Variants in RFC3 observed in about 807,000 individuals in gnomAD.
The protein encoded by RFC3 is replication factor C subunit 3.
Under a neutral mutation model 45.1 loss-of-function variants are expected in RFC3, and 41 were observed. The observed-to-expected ratio is 0.91, with a 90% CI of 0.71 to 1.18. RFC3 has a LOEUF of 1.18. Among genes scored for constraint, RFC3 ranks in the 50% most tolerant of loss-of-function variants. The pLI is 0.00. For synonymous variants in RFC3, 149 were observed against 144.0 expected, an observed-to-expected ratio of 1.03 and a Z score of -0.25; for missense variants, 423 against 428.1, an observed-to-expected ratio of 0.99 and a Z score of 0.10.
At chr13:33,935,783 T>C (rs1053391719) in intron 8 of RFC3, among the ~76,000 whole-genome samples, 2 of 152,202 alleles carry the variant, frequency 1.3e-5, no homozygotes, top group African/African-American at 4.8e-5. Context: ...TTTCACCTGG[T>C]CTGTTAGGAA....
downstream of RFC3, among the ~76,000 whole-genome samples, chr13:33,968,398 G>T (rs538446696): frequency 1.1e-4 from 16 of 152,322 alleles, no homozygotes; most frequent in East Asian, 3.1e-3. Context: ...GCAGTGCTGG[G>T]ATTACAGGTG....
chr13:33,850,196 A>G (rs931452007), intron 8 of RFC3: 145 of 152,210 alleles, frequency 9.5e-4, no homozygotes, highest in African/African-American at 3.4e-3. Context: ...CACCAGTTTT[A>G]GCTATTATTT....
intron 8 of RFC3, among the ~76,000 whole-genome samples, chr13:33,931,467 T>G (rs1205338254): frequency 6.6e-6 from 1 of 152,134 alleles, no homozygotes; most frequent in African/African-American, 2.4e-5. Flanking sequence ...ATCTGGGGGC[T>G]GAGTGTGAGA....
At chr13:33,898,811 G>C (rs560394041) in intron 8 of RFC3, among the ~76,000 whole-genome samples, 2 of 151,704 alleles carry the variant, frequency 1.3e-5, no homozygotes, top group East Asian at 3.9e-4. Context: ...TGAAAAAGGA[G>C]TCATAAAAAC....
chr13:33,972,924 T>A, the RFC3 span, among the ~76,000 whole-genome samples: 1 of 152,212 alleles, frequency 6.6e-6, no homozygotes, highest in Non-Finnish European at 1.5e-5. Flanking sequence ...GGACCTACCT[T>A]GCAGAAGGGC....
intron 8 of RFC3, chr13:33,849,863 T>G (rs2082265087): frequency 6.6e-6 from 1 of 151,534 alleles, no homozygotes; most frequent in African/African-American, 2.4e-5. Context: ...GACTACAGAG[T>G]AAGACTCTGT....
chr13:33,901,974 A>C (rs752211948), intron 8 of RFC3, among the ~76,000 whole-genome samples: 2 of 152,018 alleles, frequency 1.3e-5, no homozygotes, highest in South Asian at 4.1e-4. Flanking sequence ...ATCCACTTCC[A>C]CCCTAGACCC....
chr13:33,953,613 G>A (rs2083003662), intron 8 of RFC3, among the ~76,000 whole-genome samples: 1 of 152,112 alleles, frequency 6.6e-6, no homozygotes, highest in African/African-American at 2.4e-5. Flanking sequence ...TCCCTATAAA[G>A]TTGTAGCCTT....
chr13:33,969,375 C>G (rs1440705827), downstream of RFC3, among the ~76,000 whole-genome samples: 2 of 152,166 alleles, frequency 1.3e-5, no homozygotes, highest in Non-Finnish European at 2.9e-5. Context: ...CAGCGATTTT[C>G]CTACAGAAAC....
intron 7 of RFC3, among the ~76,000 whole-genome samples, chr13:33,834,795 C>T (rs2082138217): frequency 1.3e-5 from 2 of 152,056 alleles, no homozygotes; most frequent in South Asian, 4.2e-4. Flanking sequence ...TAAGCTCAAC[C>T]CGCGCTCTTC....
At chr13:33,877,697 T>C in intron 8 of RFC3, among the ~76,000 whole-genome samples, 1 of 149,168 alleles carries the variant, frequency 6.7e-6, no homozygotes, top group South Asian at 2.1e-4. Flanking sequence ...TTATAATAGA[T>C]TATAATAAAA....
intron 8 of RFC3, among the ~76,000 whole-genome samples, chr13:33,863,225 A>G (rs1017281825): frequency 1.2e-4 from 18 of 152,350 alleles, no homozygotes; most frequent in Admixed American, 1.3e-4. Context: ...ATACATACAT[A>G]TATACACAAT....
the RFC3 span, among the ~76,000 whole-genome samples, chr13:33,973,022 C>T: frequency 1.2e-3 from 187 of 152,194 alleles, no homozygotes; most frequent in Non-Finnish European, 2.3e-3. Context: ...TGAGTAAAAT[C>T]CATATCAGCT....
chr13:33,867,458 G>T (rs1042816013), intron 8 of RFC3, among the ~76,000 whole-genome samples: 1 of 152,198 alleles, frequency 6.6e-6, no homozygotes, highest in Non-Finnish European at 1.5e-5. Context: ...GAATTGGAAA[G>T]TAAACTTAAT....
chr13:33,921,753 G>T (rs548783674), intron 8 of RFC3, among the ~76,000 whole-genome samples: 1 of 152,114 alleles, frequency 6.6e-6, no homozygotes, highest in African/African-American at 2.4e-5. Flanking sequence ...TGAGATTTTT[G>T]ATTTGCTTAT....
chr13:33,945,874 A>G (rs1049788229), intron 8 of RFC3, among the ~76,000 whole-genome samples: 1 of 152,184 alleles, frequency 6.6e-6, no homozygotes, highest in Non-Finnish European at 1.5e-5. Context: ...CTAAGGCGGG[A>G]CATCTTGGAG....
chr13:33,970,381 T>C (rs1031373145), downstream of RFC3, among the ~76,000 whole-genome samples: 3 of 152,256 alleles, frequency 2.0e-5, no homozygotes, highest in Admixed American at 1.3e-4. Context: ...TTGAGAATAA[T>C]GCTGCAATGA....
At chr13:33,921,356 G>A (rs2082767750) in intron 8 of RFC3, among the ~76,000 whole-genome samples, 1 of 152,166 alleles carries the variant, frequency 6.6e-6, no homozygotes, top group African/African-American at 2.4e-5. Context: ...GAAGGCAACG[G>A]CTTTGAAGGA....
intron 8 of RFC3, among the ~76,000 whole-genome samples, chr13:33,918,585 A>G (rs558797980): frequency 1.4e-4 from 21 of 152,286 alleles, no homozygotes; most frequent in African/African-American, 2.4e-4. Context: ...CTCCCTGCCC[A>G]TAGGAAAAAA....
Sources: gnomAD v4.1 joint callset for allele counts (sites outside exome capture counted in the v4.1 genomes callset) on GRCh38, gnomAD v4.1.1 for gene constraint, MANE v1.5 for transcripts, NCBI Gene and HGNC (gene_info 2026-07-23, HGNC 2026-07-21) for gene names.